VSX1: variants seen among roughly 807,000 people sequenced by gnomAD.
VSX1 encodes homeodomain protein RINX.
VSX1 carries 23 observed loss-of-function variants against 23.6 expected under a neutral mutation model. The observed-to-expected ratio is 0.97, with a 90% confidence interval of 0.70 to 1.38. The LOEUF (loss-of-function observed/expected upper bound fraction) is 1.38, where lower values mean the gene tolerates loss of function less well. VSX1 is among the 40% of genes most tolerant of loss of function. The pLI, the probability that VSX1 is intolerant of heterozygous loss-of-function variation, is 0.00. For missense variants in VSX1, 517 were observed against 495.4 expected, an observed-to-expected ratio of 1.04 and a Z score of -0.41; for synonymous variants, 247 against 215.1, an observed-to-expected ratio of 1.15 and a Z score of -1.30.
downstream of VSX1, among the ~76,000 whole-genome samples, chr20:25,073,208 G>A (rs1048209354): frequency 2.2e-4 from 33 of 150,764 alleles, no homozygotes; most frequent in African/African-American, 7.5e-4. Context: ...ACCCTATATT[G>A]AGAAAGCGGT....
chr20:25,081,973 C>T lies in VSX1; in HGVS notation c.124G>A (p.Glu42Lys), dbSNP rs1313396045. Residue 42 changes from glutamate (E) to lysine (K), a missense_variant, in exon 1 of 5, where the codon GAG (glutamate) becomes AAG (lysine). By Grantham distance (56) the Glu-to-Lys change is moderately conservative (BLOSUM62 1). Transcript: ENST00000376709. ...AITDLLGLEA[E>K]LPAPAGPGQG... ...CCTGGGCCAGCGGGCGCCGGCAGCT[C>T]GGCCTCCAAGCCCAGCAGGTCCGTG... 3 of 1,533,030 alleles carry T rather than the reference C, an allele frequency of 2.0e-6. No homozygotes were observed. Among genetic ancestry groups the T allele is most frequent in the African/African-American group, 1.4e-5 (1 of 72,986 alleles). The allele number at this position is 1,533,030 out of a possible 1,614,324, so 95.0% of individuals were successfully genotyped here.
chr20:25,077,721 C>T lies in VSX1; in HGVS notation c.772G>A (p.Gly258Ser). 6.5e-7 allele frequency: 1 copy of T among 1,550,330 alleles called. No individual in the cohort carries two copies. Among genetic ancestry groups the T allele is most frequent in the Non-Finnish European group, 8.7e-7 (1 of 1,146,888 alleles). ...GGCGCGCAGGAGCCCAGCAGGCCGC[C>T]CTCGGCGGAGTTGAGCACGGAGTCT... ...LPDSVLNSAE[G>S]GLLGSCAPWL... The change falls in exon 4 of 5, where the codon GGC becomes AGC. Residue 258 changes from glycine to serine, a missense_variant. Transcript: ENST00000376709.
chr20:25,071,334 G>T (rs1300809324), downstream of VSX1: 1 of 454,050 alleles, frequency 2.2e-6, no homozygotes, highest in Non-Finnish European at 4.4e-6. Flanking sequence ...AGTAGCTGGG[G>T]CAGTGGCTCA....
At chr20:25,075,000 C>G (rs1488714111), downstream of VSX1, among the ~76,000 whole-genome samples, 2 of 152,214 alleles carry the variant, frequency 1.3e-5, no homozygotes, top group Non-Finnish European at 2.9e-5. Context: ...TAGGGCTTAT[C>G]ATTTTCTGTT....
chr20:25,078,621 TG>T, intron 3 of VSX1: 1 of 1,477,120 alleles, frequency 6.8e-7, no homozygotes, highest in South Asian at 1.4e-5. Flanking sequence ...TTTTAAAGAA[TG>T]ATTTGATACT....
At chr20:25,075,224 G>T (rs147443322), downstream of VSX1, among the ~76,000 whole-genome samples, 1 of 152,140 alleles carries the variant, frequency 6.6e-6, no homozygotes, top group Non-Finnish European at 1.5e-5. Context: ...CCTTCTTCAG[G>T]AAGCACCATA....
rs966866080 is a variant in VSX1, at chr20:25,075,838, T to A, written c.*423A>T. 1.5e-5 allele frequency: 3 copies of A among 198,304 alleles called. No homozygotes were observed. The highest frequency in any genetic ancestry group is 3.1e-5 in the Non-Finnish European group (3 of 96,012). The allele number at this position is 198,304 out of a possible 1,614,324, so 12.3% of individuals were successfully genotyped here. A position where few individuals can be genotyped will look rare whatever the true frequency, so the allele number is the denominator to read the frequency against. On this transcript the variant is annotated 3_prime_UTR_variant, in exon 5 of 5. Coordinates refer to ENST00000376709, the MANE Select transcript of VSX1 (RefSeq NM_014588.6). ...ATGTGTCTGTATGGAGTCTTCACTA[T>A]GATGATATCAGATTCTTCTGGATAT...
intron 1 of VSX1, 78 bp from the exon 2 acceptor site, chr20:25,079,592 G>C: frequency 6.8e-7 from 1 of 1,470,878 alleles, no homozygotes; most frequent in South Asian, 1.2e-5. Flanking sequence ...TGTGAGGATT[G>C]AAGTTATGAA....
downstream of VSX1, among the ~76,000 whole-genome samples, chr20:25,072,886 A>G (rs1421358025): frequency 3.3e-5 from 5 of 152,198 alleles, no homozygotes; most frequent in African/African-American, 1.2e-4. Context: ...AATGTTTCCA[A>G]ATTCGCCTTA....
At position 25,079,507 on chromosome 20, in the gene VSX1, G is replaced by C. The variant is rs140122268; in HGVS notation, c.432C>G (p.Asp144Glu). The change falls in exon 2 of 5, where the codon GAC becomes GAG. Residue 144 changes from aspartate (D) to glutamate (E), a missense_variant. Physicochemically the swap from Asp to Glu is conservative, Grantham distance 45 (BLOSUM62 2). Coordinates refer to ENST00000376709, the MANE Select transcript of VSX1 (RefSeq NM_014588.6). ...RSDSVSTSDE[D>E]SQSEDRNDLK... ...GGTCATTCCTGTCTTCAGACTGGCTGTCCTCATCTGATGGCACAGAAAGAA... is the reference window on the plus strand; with the variant it reads ...GGTCATTCCTGTCTTCAGACTGGCTCTCCTCATCTGATGGCACAGAAAGAA... 3.3e-3 allele frequency: 5,347 copies of C among 1,611,518 alleles called. 28 individuals carry two copies. Among genetic ancestry groups the C allele is most frequent in the Middle Eastern group, 0.011 (65 of 6,006 alleles).
chr20:25,075,055 G>A (rs142799785), downstream of VSX1, among the ~76,000 whole-genome samples: 1,321 of 152,300 alleles, frequency 8.7e-3, 19 homozygotes, highest in South Asian at 0.019. Flanking sequence ...CAAGAGTATG[G>A]AACTAACATA....
intron 1 of VSX1, among the ~76,000 whole-genome samples, chr20:25,080,348 T>C (rs975010864): frequency 1.4e-4 from 22 of 152,224 alleles, no homozygotes; most frequent in African/African-American, 4.6e-4. Context: ...ACATTCTGTA[T>C]TGGGCTGTCC....
intron 1 of VSX1, 135 bp downstream of exon 1, chr20:25,081,538 G>T (rs913931383): frequency 2.1e-5 from 28 of 1,349,570 alleles, no homozygotes; most frequent in Admixed American, 1.9e-4. Context: ...CTCCCGCGAC[G>T]GGGCCTCGCT....
downstream of VSX1, chr20:25,071,483 CT>C (rs11087497): frequency 2.4e-3 from 970 of 400,412 alleles, no homozygotes; most frequent in Middle Eastern, 6.4e-3. Context: ...CACTCAGGGT[CT>C]TTTTTTTTTT....
intron 2 of VSX1, among the ~76,000 whole-genome samples, chr20:25,079,214 A>C (rs1009519332): frequency 6.6e-6 from 1 of 152,220 alleles, no homozygotes. Context: ...AATTGTCTTT[A>C]AAATGCTCCC....
chr20:25,081,841 A>G lies in VSX1; in HGVS notation c.256T>C (p.Cys86Arg), dbSNP rs1158722111. The change falls in exon 1 of 5, where the codon TGT (cysteine) becomes CGT (arginine). Residue 86 changes from cysteine to arginine, a missense_variant. By Grantham distance (180) the Cys-to-Arg change is radical. Coordinates refer to ENST00000376709, the MANE Select transcript of VSX1 (RefSeq NM_014588.6). ...GALPLGLGLL[C>R]GFGTQPPAAA... Reference sequence around the variant, plus strand: ...GCCGGCGGCTGCGTGCCGAAGCCACAGAGGAGGCCGAGTCCCAGCGGTAGG... The same window carrying G: ...GCCGGCGGCTGCGTGCCGAAGCCACGGAGGAGGCCGAGTCCCAGCGGTAGG... 10 of 1,517,234 alleles carry G rather than the reference A, an allele frequency of 6.6e-6. No individual in the cohort carries two copies. Among genetic ancestry groups the G allele is most frequent in the Non-Finnish European group, 8.8e-6 (10 of 1,140,570 alleles). The allele number at this position is 1,517,234 out of a possible 1,614,324, so 94.0% of individuals were successfully genotyped here.
intron 3 of VSX1, chr20:25,078,558 T>A: frequency 7.3e-7 from 1 of 1,365,638 alleles, no homozygotes; most frequent in Non-Finnish European, 9.4e-7. Context: ...TTTTTTTTTT[T>A]TTTCATTGAC....
Position 25,075,986 on chromosome 20 carries a change from ATCC to A in VSX1, c.*272_*274del, listed in dbSNP as rs1226795149. 2 of 512,312 alleles carry A rather than the reference ATCC, an allele frequency of 3.9e-6. No individual in the cohort carries two copies. The highest frequency in any genetic ancestry group is 7.0e-6 in the Non-Finnish European group (2 of 284,892). The allele number at this position is 512,312 out of a possible 1,614,324, so 31.7% of individuals were successfully genotyped here. ...CAGTGAAATCATTTTTGAACTTCGG[ATCC>A]TCCCTGCTCAAGCTACAAAAGAGAA... On this transcript the variant is annotated 3_prime_UTR_variant, in exon 5 of 5. Transcript: ENST00000376709.
At chr20:25,072,640 C>T (rs886965540), downstream of VSX1, 1 of 471,040 alleles carries the variant, frequency 2.1e-6, no homozygotes, top group African/African-American at 2.0e-5. Flanking sequence ...CAATGTCTCA[C>T]CCTCTGAGAA....
Sources: gnomAD v4.1 joint callset for allele counts (sites outside exome capture counted in the v4.1 genomes callset) on GRCh38, gnomAD v4.1.1 for gene constraint, MANE v1.5 for transcripts, NCBI Gene and HGNC (gene_info 2026-07-23, HGNC 2026-07-21) for gene names.